The following SDK2 variants were observed in gnomAD, a reference collection of about 807,000 sequenced individuals.
SDK2 encodes sidekick cell adhesion molecule 2, also known as protein sidekick-2.
In SDK2, 105 loss-of-function variants were observed where a neutral mutation model predicts 253.9. The ratio of observed to expected loss-of-function variants is 0.41; its 90% CI spans 0.35 to 0.49. The LOEUF is 0.49. Among genes scored for constraint, SDK2 ranks in the 20% least tolerant of loss-of-function variants. The pLI is 0.06. For missense variants in SDK2, 2,608 were observed against 3,003.0 expected (o/e 0.87, Z 3.07); for synonymous variants, 1,249 against 1,234.9 (o/e 1.01, Z -0.24).
At chr17:73,446,812 T>G (rs1161298931) in intron 5 of SDK2, among the ~76,000 whole-genome samples, 1 of 152,160 alleles carries the variant, frequency 6.6e-6, no homozygotes, top group Non-Finnish European at 1.5e-5. Flanking sequence ...ACTCTGGGAT[T>G]TGGGCCTACG....
chr17:73,478,543 C>T (rs2063701615), intron 2 of SDK2, among the ~76,000 whole-genome samples: 1 of 152,196 alleles, frequency 6.6e-6, no homozygotes, highest in South Asian at 2.1e-4. Context: ...GTCCACTCTT[C>T]GAAGATGAAG....
intron 1 of SDK2, among the ~76,000 whole-genome samples, chr17:73,562,464 C>T (rs2045250586): frequency 6.6e-6 from 1 of 152,212 alleles, no homozygotes. Flanking sequence ...CACCTCCCTC[C>T]AGAAGTTAGG....
intron 1 of SDK2, among the ~76,000 whole-genome samples, chr17:73,592,267 G>C (rs1006572149): frequency 6.6e-6 from 1 of 152,226 alleles, no homozygotes; most frequent in Non-Finnish European, 1.5e-5. Context: ...TAGGCCTCTC[G>C]GCCCCCATCA....
At chr17:73,580,267 C>A (rs1202422563) in intron 1 of SDK2, among the ~76,000 whole-genome samples, 2 of 152,244 alleles carry the variant, frequency 1.3e-5, no homozygotes, top group African/African-American at 2.4e-5. Context: ...TTGGCACATA[C>A]CAACGTGTAA....
Position 73,447,723 on chromosome 17 carries a change from C to G in SDK2, c.505G>C (p.Val169Leu), listed in dbSNP as rs1404118038. 1 of 1,551,584 alleles carries G rather than the reference C, an allele frequency of 6.4e-7. No homozygotes were observed. Among genetic ancestry groups the G allele is most frequent in the African/African-American group, 1.4e-5 (1 of 73,026 alleles). Residue 169 changes from valine to leucine, a missense_variant, in exon 5 of 45, where the codon GTC (valine) becomes CTC (leucine). By Grantham distance (32) the Val-to-Leu change is conservative (BLOSUM62 1). Coordinates refer to ENST00000392650, the MANE Select transcript of SDK2 (RefSeq NM_001144952.2). This position sits in a 1 kb window ranked among gnomAD's most constrained non-coding sequence, Gnocchi z 4.0. ...RIAITLENTL[V>L]ILSTVAPDAG... ...TCAGGGGCCACCGTTGACAGGATGA[C>G]AAGGGTGTTCTCCAGCGTGATGGCT...
At chr17:73,446,398 T>C (rs1599574069) in intron 5 of SDK2, among the ~76,000 whole-genome samples, 2 of 152,288 alleles carry the variant, frequency 1.3e-5, no homozygotes, top group African/African-American at 4.8e-5. Flanking sequence ...GTGACGCCGA[T>C]GGGTCAGTCT....
At chr17:73,483,707 A>ATATATAT (rs1322209671) in intron 2 of SDK2, among the ~76,000 whole-genome samples, 1 of 64,306 alleles carries the variant, frequency 1.6e-5, no homozygotes, top group Non-Finnish European at 2.7e-5. Context: ...ATATATATAT[A>ATATATAT]TTTTTTTTTT....
intron 1 of SDK2, among the ~76,000 whole-genome samples, chr17:73,564,560 C>T (rs959604399): frequency 7.2e-5 from 11 of 152,222 alleles, no homozygotes; most frequent in African/African-American, 2.6e-4. Context: ...CATGGTGGCT[C>T]ACGCCTGTAA....
At position 73,398,056 on chromosome 17, in the gene SDK2, G is replaced by T; in HGVS notation, c.3333C>A (p.Thr1111=). The T allele has an allele frequency of 6.2e-7, 1 of 1,612,670 alleles. No homozygotes were observed. Among genetic ancestry groups the T allele is most frequent in the Non-Finnish European group, 8.5e-7 (1 of 1,179,884 alleles). Residue 1111 remains threonine (T), a synonymous_variant, in exon 24 of 45, where the codon ACC becomes ACA. Coordinates refer to ENST00000392650, the MANE Select transcript of SDK2 (RefSeq NM_001144952.2). ...ANVSLRTASE[T]SLWLRWMPLP... is the part of the protein sequence containing the mutation. The stretch of plus-strand genomic sequence containing the variant: ...TTACCATCCAGCGCAGCCACAGGCT[G>T]GTCTCACTGGCTGTGCGCAGAGACA...
chr17:73,394,298 A>C lies in SDK2; in HGVS notation c.3619T>G (p.Ser1207Ala). ...CTGCTGGAGGTGGTGGCCAGTGCAG[A>C]CACATTGGTGGGGCCGGAAGAGGGA... The part of the protein sequence containing the change: ...SVPSSGPTNV[S>A]ALATTSSSML... The change falls in exon 26 of 45, where the codon TCT becomes GCT. Residue 1207 changes from serine (S) to alanine (A), a missense_variant. Around this residue, in one of 2 missense-constraint regions of SDK2, gnomAD observed 1,505 missense variants for 1,859.1 expected, o/e 0.81. Transcript: ENST00000392650. 1 of 1,598,914 alleles carries C rather than the reference A, an allele frequency of 6.3e-7. No homozygotes were observed. Among genetic ancestry groups the C allele is most frequent in the Non-Finnish European group, 8.5e-7 (1 of 1,170,908 alleles).
At chr17:73,516,075 C>G (rs898470657) in intron 1 of SDK2, among the ~76,000 whole-genome samples, 71 of 152,204 alleles carry the variant, frequency 4.7e-4, no homozygotes, top group Non-Finnish European at 1.3e-4. Flanking sequence ...CCCTAAGAAG[C>G]CCGCAGTCTC....
intron 1 of SDK2, among the ~76,000 whole-genome samples, chr17:73,587,895 C>T (rs886085632): frequency 6.6e-6 from 1 of 152,200 alleles, no homozygotes; most frequent in African/African-American, 2.4e-5. Context: ...TTCACACCCT[C>T]AGGGAGGCAT....
intron 1 of SDK2, among the ~76,000 whole-genome samples, chr17:73,594,942 A>T (rs2045734265): frequency 6.6e-6 from 1 of 152,164 alleles, no homozygotes; most frequent in Non-Finnish European, 1.5e-5. Flanking sequence ...ACACGTGCAC[A>T]CACACATACA....
At chr17:73,393,512 G>T in intron 27 of SDK2, 48 bp downstream of exon 27, 2 of 1,463,424 alleles carry the variant, frequency 1.4e-6, no homozygotes, top group East Asian at 2.4e-5. Context: ...GCAGGAGGAA[G>T]GGCGGCTCCT....
At chr17:73,457,913 T>G (rs1277553959) in intron 3 of SDK2, among the ~76,000 whole-genome samples, 1 of 152,206 alleles carries the variant, frequency 6.6e-6, no homozygotes, top group Non-Finnish European at 1.5e-5. Flanking sequence ...TTAGCAACCT[T>G]GAGGACCCTT....
intron 33 of SDK2, among the ~76,000 whole-genome samples, chr17:73,382,772 C>T (rs1825512231): frequency 1.3e-5 from 2 of 152,296 alleles, no homozygotes; most frequent in African/African-American, 2.4e-5. Flanking sequence ...GAGGCCAAAG[C>T]GGGCAGGCCA....
At chr17:73,509,904 A>T (rs1235957849) in intron 1 of SDK2, among the ~76,000 whole-genome samples, 1 of 137,760 alleles carries the variant, frequency 7.3e-6, no homozygotes, top group African/African-American at 2.7e-5. Context: ...CATCTCTACA[A>T]AAAAAAAAAA....
intron 2 of SDK2, among the ~76,000 whole-genome samples, chr17:73,494,833 C>T (rs1033723340): frequency 6.6e-6 from 1 of 152,332 alleles, no homozygotes; most frequent in African/African-American, 2.4e-5. Context: ...CCTCCCAGGC[C>T]AGGGTGGGGG....
At chr17:73,425,084 G>A (rs985692639) in intron 12 of SDK2, among the ~76,000 whole-genome samples, 2 of 152,110 alleles carry the variant, frequency 1.3e-5, no homozygotes, top group African/African-American at 2.4e-5. Context: ...GCCGGGCGTG[G>A]TGGCCAGTGC....
Sources: allele counts gnomAD v4.1 joint callset (sites outside exome capture counted in the v4.1 genomes callset), GRCh38; gene constraint gnomAD v4.1.1; regional missense constraint gnomAD v4.1.1; non-coding constraint Gnocchi (gnomAD v3.1); transcripts MANE v1.5; gene names NCBI Gene and HGNC (gene_info 2026-07-23, HGNC 2026-07-21).